The following TNS3 variants were observed in gnomAD, a reference collection of about 807,000 sequenced individuals.
TNS3 encodes tensin-3.
In TNS3, 45 loss-of-function variants were observed where a neutral mutation model predicts 140.9. That is an observed-to-expected ratio of 0.32 (90% CI 0.25 to 0.41). The LOEUF is 0.41. TNS3 is among the 10% of genes least tolerant of loss of function. The probability of loss-of-function intolerance (pLI) is 1.00; values close to 1 mark genes in which losing one functional copy is unlikely to be tolerated. For missense variants in TNS3, 1,716 were observed against 1,906.7 expected, an observed-to-expected ratio of 0.90 and a Z score of 1.86; for synonymous variants, 815 against 788.4, an observed-to-expected ratio of 1.03 and a Z score of -0.56.
chr7:47,286,531 T>C (rs1215831246), intron 27 of TNS3, among the ~76,000 whole-genome samples: 1 of 152,068 alleles, frequency 6.6e-6, no homozygotes, highest in Non-Finnish European at 1.5e-5. Context: ...AGGTGAAGAT[T>C]CAGTGCCCAG....
intron 4 of TNS3, among the ~76,000 whole-genome samples, chr7:47,474,490 AAC>A (rs1209046392): frequency 6.6e-6 from 1 of 150,956 alleles, no homozygotes; most frequent in Non-Finnish European, 1.5e-5. Flanking sequence ...CAATACACAC[AAC>A]ACAGACATGT....
intron 4 of TNS3, chr7:47,453,005 G>C (rs894281718): frequency 2.0e-6 from 2 of 985,362 alleles, no homozygotes; most frequent in Non-Finnish European, 1.2e-6. Context: ...CCTACGTTTC[G>C]CTCCTTCCCC....
intron 4 of TNS3, among the ~76,000 whole-genome samples, chr7:47,459,796 C>T (rs1051942372): frequency 8.5e-5 from 13 of 152,206 alleles, no homozygotes; most frequent in African/African-American, 3.1e-4. Context: ...AAAGGTAGCA[C>T]CGTCCTCCTC....
intron 20 of TNS3, among the ~76,000 whole-genome samples, chr7:47,306,695 C>T (rs1373173798): frequency 1.3e-5 from 2 of 152,166 alleles, no homozygotes; most frequent in African/African-American, 2.4e-5. Flanking sequence ...CTGCCTCGGC[C>T]TCCCGAGTAG....
chr7:47,566,012 G>T (rs973345460), intron 1 of TNS3, among the ~76,000 whole-genome samples: 1 of 62,422 alleles, frequency 1.6e-5, no homozygotes, highest in South Asian at 9.0e-4. Context: ...GCTTCACTGG[G>T]GTTTCAGATT....
At chr7:47,458,095 G>A (rs1796331257) in intron 4 of TNS3, among the ~76,000 whole-genome samples, 1 of 135,372 alleles carries the variant, frequency 7.4e-6, no homozygotes, top group African/African-American at 2.5e-5. Flanking sequence ...CATACATGAC[G>A]TTTACACTAC....
chr7:47,530,838 A>AAAATATATATAT, intron 1 of TNS3, among the ~76,000 whole-genome samples: 720 of 54,426 alleles, frequency 0.013, 25 homozygotes, highest in Middle Eastern at 0.019. Flanking sequence ...AAAAAAAAAA[A>AAAATATATATAT]ATATATATAT....
intron 1 of TNS3, among the ~76,000 whole-genome samples, chr7:47,545,803 T>A (rs1411439736): frequency 6.6e-6 from 1 of 152,206 alleles, no homozygotes; most frequent in Non-Finnish European, 1.5e-5. Flanking sequence ...CCCTAGGGGA[T>A]CCCACCTGGG....
chr7:47,510,487 G>A (rs987614247), intron 2 of TNS3, among the ~76,000 whole-genome samples: 12 of 152,112 alleles, frequency 7.9e-5, no homozygotes, highest in African/African-American at 2.7e-4. Flanking sequence ...ATTCAGACTC[G>A]AGTGCTTGTC....
At chr7:47,565,835 T>C (rs1002090813) in intron 1 of TNS3, among the ~76,000 whole-genome samples, 9 of 152,034 alleles carry the variant, frequency 5.9e-5, no homozygotes, top group Non-Finnish European at 1.2e-4. Context: ...ACATTGGGGG[T>C]TCAGGGAGCT....
chr7:47,445,451 C>A (rs1456924189), intron 4 of TNS3, among the ~76,000 whole-genome samples: 1 of 152,154 alleles, frequency 6.6e-6, no homozygotes, highest in Non-Finnish European at 1.5e-5. Context: ...CTTCTGACAC[C>A]AAAACTCTGT....
intron 1 of TNS3, among the ~76,000 whole-genome samples, chr7:47,578,455 T>C (rs1353064483): frequency 6.6e-6 from 1 of 151,300 alleles, no homozygotes; most frequent in African/African-American, 2.4e-5. Flanking sequence ...TCATTTTCAC[T>C]GGCCTCCTCC....
rs371692266 is a variant in TNS3 at position 47,439,664 on chromosome 7, A to G, written c.-22-6T>C. The G allele has an allele frequency of 6.4e-5, 103 of 1,613,496 alleles. No individual in the cohort carries two copies. The highest frequency in any genetic ancestry group is 8.6e-5 in the Non-Finnish European group (102 of 1,179,824). The stretch of plus-strand genomic sequence containing the variant: ...TGGGACTCAGGATGACGGGCCTGCG[A>G]GAGAGCAGTGGGCAGATCAGAAACA... On this transcript the variant is annotated splice_region_variant and splice_polypyrimidine_tract_variant and intron_variant, in intron 5 of 30. Transcript: ENST00000311160.
chr7:47,427,123 CAAAAAAA>C (rs61383259), intron 9 of TNS3, among the ~76,000 whole-genome samples: 1 of 106,824 alleles, frequency 9.4e-6, no homozygotes. Flanking sequence ...AAGACTCTGT[CAAAAAAA>C]AAAAAAAAAA....
chr7:47,380,762 ACGCG>A (rs149114591), intron 16 of TNS3, among the ~76,000 whole-genome samples: 9 of 139,542 alleles, frequency 6.4e-5, no homozygotes, highest in Non-Finnish European at 9.4e-5. Flanking sequence ...ACACATATGC[ACGCG>A]CGCGCACACA....
chr7:47,514,435 C>T (rs1006960047), intron 2 of TNS3, among the ~76,000 whole-genome samples: 1 of 152,092 alleles, frequency 6.6e-6, no homozygotes, highest in African/African-American at 2.4e-5. Context: ...GGACACAAAA[C>T]TCTCATCTTT....
chr7:47,528,699 C>T (rs1378815445), intron 2 of TNS3, among the ~76,000 whole-genome samples: 1 of 152,176 alleles, frequency 6.6e-6, no homozygotes, highest in Admixed American at 6.5e-5. Context: ...ACATTTCATT[C>T]GCAAACTTGA....
At chr7:47,411,549 G>C (rs1206703386) in intron 13 of TNS3, among the ~76,000 whole-genome samples, 178 bp downstream of exon 13, 1 of 152,230 alleles carries the variant, frequency 6.6e-6, no homozygotes, top group Non-Finnish European at 1.5e-5. Flanking sequence ...GACCGATAAG[G>C]TCCACGGCCC....
At chr7:47,283,599 A>T in intron 28 of TNS3, 98 bp downstream of exon 28, 2 of 1,231,146 alleles carry the variant, frequency 1.6e-6, no homozygotes, top group Non-Finnish European at 2.1e-6. Flanking sequence ...AAGACGGCTA[A>T]TGATTTACCT....
Sources: allele counts gnomAD v4.1 joint callset (sites outside exome capture counted in the v4.1 genomes callset), GRCh38; gene constraint gnomAD v4.1.1; transcripts MANE v1.5; gene names NCBI Gene and HGNC (gene_info 2026-07-23, HGNC 2026-07-21).